Variants in MYCBP2 observed in about 807,000 individuals in gnomAD.
The protein encoded by MYCBP2 is E3 ubiquitin-protein ligase MYCBP2.
A neutral mutation model predicts 525.3 loss-of-function variants in MYCBP2; 120 were observed. The observed-to-expected ratio is 0.23, with a 90% CI of 0.20 to 0.27. The LOEUF is 0.27. Among genes scored for constraint, MYCBP2 ranks in the 10% least tolerant of loss-of-function variants. MYCBP2 has a pLI of 1.00. For synonymous variants in MYCBP2, 1,894 were observed against 1,955.8 expected (o/e 0.97, Z 0.83); for missense variants, 4,149 against 5,657.1 (o/e 0.73, Z 8.55).
In MYCBP2 at chr13:77,264,009, A is replaced by G. The variant is rs377254574; in HGVS notation, c.1358-7T>C. The G allele has an allele frequency of 1.1e-4, 177 of 1,609,060 alleles. 1 individual carries two copies. Among genetic ancestry groups the G allele is most frequent in the Middle Eastern group, 5.0e-4 (3 of 5,960 alleles). On this transcript the variant is annotated splice_region_variant and splice_polypyrimidine_tract_variant and intron_variant, in intron 8 of 82. Coordinates refer to ENST00000544440, the MANE Select transcript of MYCBP2 (RefSeq NM_015057.5). ...TGACCTTCAGTGTGGCAATCTGTGC[A>G]AAAGAAAAAGTATTTATATTACAAT... is the stretch of plus-strand genomic sequence containing the variant.
rs995362901 is a variant in MYCBP2, at chr13:77,190,190, G to C, written c.4154+62C>G. The C allele has an allele frequency of 7.5e-6, 8 of 1,066,372 alleles. No individual in the cohort carries two copies. In the Admixed American group the frequency reaches 1.4e-4, roughly 19 times the overall value. 66.1% of individuals were successfully genotyped at this position (1,066,372 alleles called of 1,614,324 possible). On this transcript the variant is annotated intron_variant, in intron 29 of 82. Coordinates refer to ENST00000544440, the MANE Select transcript of MYCBP2 (RefSeq NM_015057.5). ...TCCCTATTATGCCACGTTTTGTAAT[G>C]ATTCTACTTCATTATAGCAAAATAA...
chr13:77,197,324 G>A (rs2061857736), intron 26 of MYCBP2, among the ~76,000 whole-genome samples: 1 of 152,116 alleles, frequency 6.6e-6, no homozygotes, highest in South Asian at 2.1e-4. Flanking sequence ...GGTAGTGGTA[G>A]AAAAGTCTTT....
At chr13:77,102,823 TAA>T (rs999075070) in intron 55 of MYCBP2, among the ~76,000 whole-genome samples, 1 of 151,858 alleles carries the variant, frequency 6.6e-6, no homozygotes, top group Admixed American at 6.6e-5. Flanking sequence ...TATATAACAA[TAA>T]GTTTAAGACT....
intron 73 of MYCBP2, among the ~76,000 whole-genome samples, chr13:77,063,479 T>C (rs1254182750): frequency 6.8e-6 from 1 of 147,232 alleles, no homozygotes; most frequent in African/African-American, 2.5e-5. Flanking sequence ...GAATCGCTTG[T>C]ACCTGCAGGC....
At chr13:77,195,045 T>A (rs1263622828) in intron 26 of MYCBP2, among the ~76,000 whole-genome samples, 1 of 151,850 alleles carries the variant, frequency 6.6e-6, no homozygotes, top group Non-Finnish European at 1.5e-5. Context: ...TAAGAAAACC[T>A]TTTTCCTCTG....
chr13:77,113,113 A>G (rs983048825), intron 55 of MYCBP2, among the ~76,000 whole-genome samples: 6 of 152,116 alleles, frequency 3.9e-5, no homozygotes, highest in Non-Finnish European at 8.8e-5. Context: ...GATTCATTGG[A>G]TCTCTGTAAT....
chr13:77,321,045 T>C (rs1363181369), intron 1 of MYCBP2, among the ~76,000 whole-genome samples: 1 of 152,200 alleles, frequency 6.6e-6, no homozygotes, highest in Non-Finnish European at 1.5e-5. Flanking sequence ...GTTTCAGGAC[T>C]CTTCAAATGA....
chr13:77,134,105 G>A (rs992417245), intron 52 of MYCBP2, among the ~76,000 whole-genome samples: 1 of 152,122 alleles, frequency 6.6e-6, no homozygotes, highest in Admixed American at 6.5e-5. Context: ...GGAAAATAAA[G>A]AGAAGATCAC....
intron 1 of MYCBP2, among the ~76,000 whole-genome samples, chr13:77,302,889 G>T (rs1475573665): frequency 6.6e-6 from 1 of 152,194 alleles, no homozygotes; most frequent in Non-Finnish European, 1.5e-5. Context: ...AATGCATCCA[G>T]TAACACAGCT....
chr13:77,144,379 A>T (rs2055181095), intron 49 of MYCBP2, 66 bp downstream of exon 49: 1 of 1,129,598 alleles, frequency 8.9e-7, no homozygotes, highest in Admixed American at 1.8e-5. Context: ...CAAAACTAGA[A>T]GATAAAAATA....
chr13:77,155,910 A>C lies in MYCBP2; in HGVS notation c.6915+148T>G, dbSNP rs1024976787. 15 of 734,894 alleles carry C rather than the reference A, an allele frequency of 2.0e-5. No homozygotes were observed. The South Asian group carries it at 3.3e-4, about 16-fold the overall frequency. 45.5% of individuals were successfully genotyped at this position (734,894 alleles called of 1,614,324 possible). On this transcript the variant is annotated intron_variant, in intron 46 of 82. Transcript: ENST00000544440. ...TGGACACTTGGGGACTAATTAATAT[A>C]AACAAGTCATTTAAACAAACTTTCA...
At chr13:77,264,514 T>A (rs1267443166) in intron 8 of MYCBP2, among the ~76,000 whole-genome samples, 1 of 152,170 alleles carries the variant, frequency 6.6e-6, no homozygotes, top group East Asian at 1.9e-4. Context: ...AATTCAATGT[T>A]TATTCACAGC....
intron 43 of MYCBP2, among the ~76,000 whole-genome samples, chr13:77,163,048 T>A (rs2058127525): frequency 6.6e-6 from 1 of 152,146 alleles, no homozygotes; most frequent in African/African-American, 2.4e-5. Flanking sequence ...GCTGTATAGG[T>A]CTACTTTTTC....
At chr13:77,141,004 C>A in intron 49 of MYCBP2, 61 bp from the exon 50 acceptor site, 1 of 1,223,828 alleles carries the variant, frequency 8.2e-7, no homozygotes, top group South Asian at 1.3e-5. Context: ...GATCCTTAAA[C>A]CTAATCTTAT....
intron 44 of MYCBP2, among the ~76,000 whole-genome samples, chr13:77,161,248 A>G (rs2057881694): frequency 6.6e-6 from 1 of 152,228 alleles, no homozygotes; most frequent in Non-Finnish European, 1.5e-5. Flanking sequence ...AAAACAATGT[A>G]GTCATCTCTA....
In MYCBP2 at chr13:77,263,698, G is replaced by A. The variant is rs763668679; in HGVS notation, c.1523C>T (p.Ala508Val). The change falls in exon 10 of 83, where the codon GCC becomes GTC. Residue 508 changes from alanine (A) to valine (V), a missense_variant. Ala to Val is a moderately conservative substitution (Grantham distance 64). Transcript: ENST00000544440. ...QLKLARKCLHACGISLFDLEK... is the reference protein window; with the variant it reads ...QLKLARKCLHVCGISLFDLEK... ...CAGATCGAATAGTGAGATACCACAG[G>A]CATGTAAGCATTTTCTAGCCAGTTT... 8.1e-6 allele frequency: 13 copies of A among 1,612,790 alleles called. No individual in the cohort carries two copies. In the Admixed American group the frequency reaches 2.2e-4, roughly 27 times the overall value.
At chr13:77,153,307 C>T (rs1331459083) in intron 46 of MYCBP2, among the ~76,000 whole-genome samples, 1 of 152,116 alleles carries the variant, frequency 6.6e-6, no homozygotes, top group Admixed American at 6.5e-5. Context: ...GGGGCTGGAG[C>T]CCAGAGGTGC....
At chr13:77,146,326 T>C (rs2154189279) in intron 47 of MYCBP2, 109 bp from the exon 48 acceptor site, 2 of 587,756 alleles carry the variant, frequency 3.4e-6, no homozygotes, top group Admixed American at 4.0e-5. Context: ...TGGTTATACA[T>C]ATAGGAGAAA....
intron 71 of MYCBP2, among the ~76,000 whole-genome samples, chr13:77,066,599 T>A (rs1434132326): frequency 1.3e-5 from 2 of 152,228 alleles, no homozygotes; most frequent in Non-Finnish European, 2.9e-5. Context: ...CATCCTTGCA[T>A]ATATACCTTG....
Sources: allele counts gnomAD v4.1 joint callset (sites outside exome capture counted in the v4.1 genomes callset), GRCh38; gene constraint gnomAD v4.1.1; transcripts MANE v1.5; gene names NCBI Gene and HGNC (gene_info 2026-07-23, HGNC 2026-07-21).